The following EPB41L4A variants were observed in gnomAD, a reference collection of about 807,000 sequenced individuals.
The protein encoded by EPB41L4A is erythrocyte membrane protein band 4.1 like 4A.
In EPB41L4A, 100 loss-of-function variants were observed where a neutral mutation model predicts 108.6. That is an observed-to-expected ratio of 0.92 (90% CI 0.78 to 1.09). The LOEUF is 1.09. Ranked by LOEUF, EPB41L4A falls within the 50% of genes least tolerant of loss-of-function variation. EPB41L4A has a pLI of 0.00. For missense variants in EPB41L4A, 1,030 were observed against 842.7 expected (o/e 1.22, Z -2.75); for synonymous variants, 319 against 289.0 (o/e 1.10, Z -1.05).
chr5:112,399,442 G>A (rs1267477583), intron 1 of EPB41L4A, among the ~76,000 whole-genome samples: 1 of 152,180 alleles, frequency 6.6e-6, no homozygotes, highest in Non-Finnish European at 1.5e-5. Flanking sequence ...GTGTCAGCCG[G>A]CTTCATGGCT....
chr5:112,382,636 G>A (rs552601195), intron 1 of EPB41L4A, among the ~76,000 whole-genome samples: 1 of 152,270 alleles, frequency 6.6e-6, no homozygotes, highest in African/African-American at 2.4e-5. Context: ...TTGGTCTTTG[G>A]AGGATTCAGC....
chr5:112,178,909 CA>C (rs1299189560), intron 18 of EPB41L4A, among the ~76,000 whole-genome samples: 1 of 150,962 alleles, frequency 6.6e-6, no homozygotes, highest in Non-Finnish European at 1.5e-5. Context: ...GTCAATGAAA[CA>C]GACAACAGAT....
chr5:112,237,388 G>A (rs941848010), intron 11 of EPB41L4A, among the ~76,000 whole-genome samples: 2 of 151,930 alleles, frequency 1.3e-5, no homozygotes, highest in East Asian at 3.9e-4. Flanking sequence ...ACCGTCCTTG[G>A]CATTTTGCAA....
At chr5:112,250,976 T>C (rs1750621415) in intron 9 of EPB41L4A, among the ~76,000 whole-genome samples, 1 of 152,174 alleles carries the variant, frequency 6.6e-6, no homozygotes, top group African/African-American at 2.4e-5. Flanking sequence ...TGTTGTTCAG[T>C]GAACTGCCCA....
chr5:112,371,728 T>C (rs1260529877), intron 1 of EPB41L4A, among the ~76,000 whole-genome samples: 1 of 152,074 alleles, frequency 6.6e-6, no homozygotes, highest in Non-Finnish European at 1.5e-5. Context: ...CATTGTTTAT[T>C]TACCAGCTGG....
intron 1 of EPB41L4A, among the ~76,000 whole-genome samples, chr5:112,335,001 C>T (rs1406264657): frequency 6.6e-6 from 1 of 152,166 alleles, no homozygotes; most frequent in African/African-American, 2.4e-5. Flanking sequence ...TACTAGGGTA[C>T]AGCCTCACCC....
intron 1 of EPB41L4A, among the ~76,000 whole-genome samples, chr5:112,403,700 T>G (rs1177606003): frequency 6.6e-6 from 1 of 152,150 alleles, no homozygotes; most frequent in Non-Finnish European, 1.5e-5. Flanking sequence ...ACTCCTGGGC[T>G]TAAATGATCC....
At chr5:112,161,760 T>TA (rs1267615879), downstream of EPB41L4A, 1 of 406,120 alleles carries the variant, frequency 2.5e-6, no homozygotes, top group Non-Finnish European at 4.9e-6. Flanking sequence ...TCTGGGAGCA[T>TA]AAAGGTGACC....
At chr5:112,219,079 T>C (rs1402832820) in intron 12 of EPB41L4A, among the ~76,000 whole-genome samples, 1 of 152,224 alleles carries the variant, frequency 6.6e-6, no homozygotes, top group Non-Finnish European at 1.5e-5. Flanking sequence ...TCTCTTTGTG[T>C]TTGCATTTCA....
chr5:112,368,581 C>T (rs1759288479), intron 1 of EPB41L4A, among the ~76,000 whole-genome samples: 1 of 152,130 alleles, frequency 6.6e-6, no homozygotes, highest in Non-Finnish European at 1.5e-5. Context: ...CAGACGCCTC[C>T]TTTCCTTGAG....
rs1394098721 is a variant in EPB41L4A at position 112,178,274 on chromosome 5, T to TA, written c.1622+5741dup. ...GGAAGGAAAAAACCATACATATGCA[T>TA]ACACCTAACACCAGAGCTTCAAAAT... On this transcript the variant is annotated intron_variant, in intron 18 of 22. Coordinates refer to ENST00000261486, the MANE Select transcript of EPB41L4A (RefSeq NM_022140.5). Among the ~76,000 whole-genome samples, 5 of 152,248 alleles carry TA rather than the reference T, an allele frequency of 3.3e-5. No individual in the cohort carries two copies. In the East Asian group the frequency reaches 9.6e-4, roughly 29 times the overall value.
At chr5:112,325,696 G>A (rs1466172542) in intron 1 of EPB41L4A, among the ~76,000 whole-genome samples, 1 of 152,220 alleles carries the variant, frequency 6.6e-6, no homozygotes, top group East Asian at 1.9e-4. Context: ...TTCAGAGGTA[G>A]CTGAAGGGTG....
intron 1 of EPB41L4A, among the ~76,000 whole-genome samples, chr5:112,347,106 C>T (rs929740447): frequency 6.6e-6 from 1 of 152,206 alleles, no homozygotes; most frequent in African/African-American, 2.4e-5. Flanking sequence ...CAGCAAATGT[C>T]AAAGCATCTG....
intron 1 of EPB41L4A, among the ~76,000 whole-genome samples, chr5:112,413,200 G>A (rs1164650884): frequency 1.3e-5 from 2 of 152,126 alleles, no homozygotes; most frequent in African/African-American, 4.8e-5. Context: ...GAAAGATTTG[G>A]TACTTACAAA....
intron 1 of EPB41L4A, among the ~76,000 whole-genome samples, chr5:112,375,036 C>T (rs992076864): frequency 6.6e-6 from 1 of 152,132 alleles, no homozygotes. Flanking sequence ...AATACCAGTG[C>T]CTAATCTCCA....
At chr5:112,348,440 T>TCTAACAA (rs1757827416) in intron 1 of EPB41L4A, among the ~76,000 whole-genome samples, 1 of 152,244 alleles carries the variant, frequency 6.6e-6, no homozygotes, top group Non-Finnish European at 1.5e-5. Context: ...AAACCTACTT[T>TCTAACAA]ATGGGAAGCC....
intron 2 of EPB41L4A, among the ~76,000 whole-genome samples, chr5:112,291,505 T>C (rs916026971): frequency 6.6e-6 from 1 of 152,196 alleles, no homozygotes; most frequent in African/African-American, 2.4e-5. Flanking sequence ...GTTGGGAGTG[T>C]TAGGCCTCAG....
chr5:112,195,933 T>C (rs944154089), intron 15 of EPB41L4A, among the ~76,000 whole-genome samples: 2 of 152,128 alleles, frequency 1.3e-5, no homozygotes, highest in Non-Finnish European at 2.9e-5. Context: ...CTGCAAACCG[T>C]CCGAATTCCA....
chr5:112,185,373 C>G (rs1761377738), intron 17 of EPB41L4A, among the ~76,000 whole-genome samples: 1 of 152,170 alleles, frequency 6.6e-6, no homozygotes, highest in Admixed American at 6.5e-5. Context: ...GGCTGGATAT[C>G]TGGATTTGCT....
Sources: gnomAD v4.1 joint callset for allele counts (sites outside exome capture counted in the v4.1 genomes callset) on GRCh38, gnomAD v4.1.1 for gene constraint, MANE v1.5 for transcripts, NCBI Gene and HGNC (gene_info 2026-07-23, HGNC 2026-07-21) for gene names.